The following SCHIP1 variants were observed in gnomAD, a reference collection of about 807,000 sequenced individuals.
The protein encoded by SCHIP1 is schwannomin interacting protein 1, also known as schwannomin-interacting protein 1.
SCHIP1 carries 8 observed loss-of-function variants against 29.7 expected under a neutral mutation model. That is an observed-to-expected ratio of 0.27 (90% CI 0.16 to 0.49). The LOEUF (loss-of-function observed/expected upper bound fraction) is 0.49. SCHIP1 is among the 20% of genes least tolerant of loss of function. The pLI is 0.99. For missense variants in SCHIP1, 193 were observed against 294.6 expected (o/e 0.66, Z 2.52); for synonymous variants, 76 against 94.9 (o/e 0.80, Z 1.16).
At chr3:159,315,953 G>C in the SCHIP1 span, among the ~76,000 whole-genome samples, 2 of 152,002 alleles carry the variant, frequency 1.3e-5, no homozygotes, top group African/African-American at 4.8e-5. Flanking sequence ...TATCTGTAAA[G>C]TGAGGAAATG....
chr3:159,643,870 C>A, the SCHIP1 span, among the ~76,000 whole-genome samples: 3 of 152,052 alleles, frequency 2.0e-5, no homozygotes, highest in Non-Finnish European at 4.4e-5. Flanking sequence ...TCTGGGAAGT[C>A]CATTTCATTT....
chr3:159,280,507 A>C, the SCHIP1 span, among the ~76,000 whole-genome samples: 1 of 152,132 alleles, frequency 6.6e-6, no homozygotes, highest in African/African-American at 2.4e-5. Context: ...GGGTTTTCTC[A>C]TCTGTAAAAT....
At chr3:159,441,807 G>A in the SCHIP1 span, among the ~76,000 whole-genome samples, 1 of 152,008 alleles carries the variant, frequency 6.6e-6, no homozygotes, top group African/African-American at 2.4e-5. Flanking sequence ...TGCAGAGGAA[G>A]TCCTTTCATC....
chr3:159,764,799 C>G, the SCHIP1 span: 2 of 1,571,728 alleles, frequency 1.3e-6, no homozygotes, highest in Admixed American at 1.8e-5. The surrounding 1 kb of genome is among the most constrained non-coding windows in gnomAD (Gnocchi z 6.1). Context: ...GGAGCGCCAC[C>G]ACCGCCATGC....
chr3:159,827,822 A>G, the SCHIP1 span, among the ~76,000 whole-genome samples: 1 of 151,996 alleles, frequency 6.6e-6, no homozygotes, highest in Non-Finnish European at 1.5e-5. Context: ...AAAAAAAAAA[A>G]AAAAGAAAAT....
chr3:159,468,777 A>ATATATATATTT, the SCHIP1 span, among the ~76,000 whole-genome samples: 18 of 127,344 alleles, frequency 1.4e-4, no homozygotes, highest in African/African-American at 5.5e-4. Flanking sequence ...ATATATATAT[A>ATATATATATTT]TTTTTTTTAG....
chr3:159,399,404 A>C, the SCHIP1 span, among the ~76,000 whole-genome samples: 2 of 152,192 alleles, frequency 1.3e-5, no homozygotes, highest in African/African-American at 4.8e-5. Context: ...AGGAAGGTCC[A>C]TATGGGCAAG....
At chr3:159,765,151 G>A in the SCHIP1 span, 11 of 1,548,860 alleles carry the variant, frequency 7.1e-6, no homozygotes, top group African/African-American at 1.4e-5. Context: ...AAGTTGGCCG[G>A]GGTGCGTGCC....
the SCHIP1 span, among the ~76,000 whole-genome samples, chr3:159,617,334 C>T: frequency 5.0e-3 from 755 of 152,256 alleles, 10 homozygotes; most frequent in African/African-American, 0.017. Flanking sequence ...CCTGTCTCTC[C>T]GATCCCCTTT....
At chr3:159,422,570 A>G in the SCHIP1 span, among the ~76,000 whole-genome samples, 1 of 152,340 alleles carries the variant, frequency 6.6e-6, no homozygotes, top group African/African-American at 2.4e-5. Context: ...CAAGAAACAG[A>G]AAAATGTCAG....
At chr3:159,591,540 T>G in the SCHIP1 span, among the ~76,000 whole-genome samples, 1 of 152,158 alleles carries the variant, frequency 6.6e-6, no homozygotes, top group African/African-American at 2.4e-5. Flanking sequence ...AATGATAGAC[T>G]GGATACAGAA....
At chr3:159,567,870 G>C in the SCHIP1 span, among the ~76,000 whole-genome samples, 1 of 152,006 alleles carries the variant, frequency 6.6e-6, no homozygotes, top group Non-Finnish European at 1.5e-5. Context: ...AATTTTTATT[G>C]AAATTGCATT....
chr3:159,535,294 A>T, the SCHIP1 span, among the ~76,000 whole-genome samples: 1 of 152,150 alleles, frequency 6.6e-6, no homozygotes, highest in African/African-American at 2.4e-5. Flanking sequence ...TCACCAGCCC[A>T]TCATTCTTCT....
chr3:159,833,794 C>T, the SCHIP1 span, among the ~76,000 whole-genome samples: 3 of 152,180 alleles, frequency 2.0e-5, no homozygotes, highest in Admixed American at 6.5e-5. Flanking sequence ...TACTCTACCC[C>T]AACCCTCTCA....
At chr3:159,573,956 C>T in the SCHIP1 span, among the ~76,000 whole-genome samples, 2 of 152,298 alleles carry the variant, frequency 1.3e-5, no homozygotes, top group Non-Finnish European at 1.5e-5. Context: ...GTTTTCAGCT[C>T]CATCAGGTCA....
the SCHIP1 span, among the ~76,000 whole-genome samples, chr3:159,414,325 G>A: frequency 2.0e-5 from 3 of 152,252 alleles, no homozygotes; most frequent in South Asian, 2.1e-4. Flanking sequence ...TGACCTCTAA[G>A]CCTCACAGGG....
At chr3:159,802,146 A>G in the SCHIP1 span, among the ~76,000 whole-genome samples, 43 of 152,318 alleles carry the variant, frequency 2.8e-4, 1 homozygote, top group African/African-American at 9.6e-4. Context: ...TAACACCTTT[A>G]TGTGCTGGGT....
At chr3:159,362,388 G>C in the SCHIP1 span, among the ~76,000 whole-genome samples, 1 of 152,204 alleles carries the variant, frequency 6.6e-6, no homozygotes, top group Non-Finnish European at 1.5e-5. Flanking sequence ...CTTCTGCACA[G>C]CACGGGAGAC....
the SCHIP1 span, among the ~76,000 whole-genome samples, chr3:159,340,313 T>A: frequency 6.6e-6 from 1 of 152,082 alleles, no homozygotes; most frequent in Admixed American, 6.6e-5. Context: ...AGAAAAATGA[T>A]GTGATTTTTC....
Sources: allele counts gnomAD v4.1 joint callset (sites outside exome capture counted in the v4.1 genomes callset), GRCh38; gene constraint gnomAD v4.1.1; non-coding constraint Gnocchi (gnomAD v3.1); transcripts MANE v1.5; gene names NCBI Gene and HGNC (gene_info 2026-07-23, HGNC 2026-07-21).